The following PIAS1 variants were observed in gnomAD, a reference collection of about 807,000 sequenced individuals.
PIAS1 encodes protein inhibitor of activated STAT 1, also known as E3 SUMO-protein ligase PIAS1.
Under a neutral mutation model 71.3 loss-of-function variants are expected in PIAS1, and 6 were observed. The ratio of observed to expected loss-of-function variants is 0.08; its 90% CI spans 0.05 to 0.17. The LOEUF is 0.17. Ranked by LOEUF, PIAS1 falls within the 10% of genes least tolerant of loss-of-function variation. The pLI is 1.00. For missense variants in PIAS1, 555 were observed against 793.6 expected, an observed-to-expected ratio of 0.70 and a Z score of 3.61; for synonymous variants, 303 against 292.9, an observed-to-expected ratio of 1.03 and a Z score of -0.35.
chr15:68,142,133 T>C (rs2092774985), intron 3 of PIAS1, 103 bp downstream of exon 3: 2 of 937,286 alleles, frequency 2.1e-6, no homozygotes, highest in African/African-American at 1.6e-5. Flanking sequence ...ATTTGTGTGA[T>C]GCAAATATTA....
chr15:68,115,145 T>G (rs1248962047), intron 2 of PIAS1, among the ~76,000 whole-genome samples: 1 of 152,144 alleles, frequency 6.6e-6, no homozygotes, highest in Non-Finnish European at 1.5e-5. Context: ...GAAGGACATC[T>G]TGGTTGCTTC....
intron 11 of PIAS1, among the ~76,000 whole-genome samples, chr15:68,177,856 T>TA (rs1441661213): frequency 6.6e-6 from 1 of 152,180 alleles, no homozygotes; most frequent in East Asian, 1.9e-4. Context: ...TTTTTAGGTA[T>TA]AAAGCAGGAG....
intron 2 of PIAS1, among the ~76,000 whole-genome samples, chr15:68,108,976 AC>A (rs1567045341): frequency 2.0e-5 from 3 of 152,132 alleles, no homozygotes. Flanking sequence ...CCAGAGTGAT[AC>A]TTTTAAATAA....
At chr15:68,137,181 A>G (rs2092739722) in intron 2 of PIAS1, among the ~76,000 whole-genome samples, 1 of 152,198 alleles carries the variant, frequency 6.6e-6, no homozygotes, top group Admixed American at 6.5e-5. Flanking sequence ...GAATTGATCC[A>G]AATAAAATAA....
intron 6 of PIAS1, among the ~76,000 whole-genome samples, chr15:68,149,409 C>T (rs929905862): frequency 4.0e-5 from 6 of 150,980 alleles, no homozygotes; most frequent in African/African-American, 1.2e-4. Context: ...CGCTCCTGTA[C>T]CCCATTTGCA....
intron 2 of PIAS1, among the ~76,000 whole-genome samples, chr15:68,118,665 A>T (rs530352929): frequency 4.3e-4 from 65 of 152,298 alleles, no homozygotes; most frequent in Admixed American, 1.8e-3. Flanking sequence ...GACAGTAGCC[A>T]TTCTAACTGG....
intron 7 of PIAS1, among the ~76,000 whole-genome samples, chr15:68,158,014 C>T (rs1027342376): frequency 7.2e-5 from 11 of 152,200 alleles, no homozygotes; most frequent in Non-Finnish European, 1.2e-4. Context: ...AAACATCCCT[C>T]TCCTTGACGC....
intron 5 of PIAS1, 116 bp from the exon 6 acceptor site, chr15:68,146,450 T>C: frequency 1.4e-6 from 1 of 718,222 alleles, no homozygotes; most frequent in Non-Finnish European, 2.3e-6. Context: ...CTCTACTTTT[T>C]AATGAAAACA....
At chr15:68,103,243 C>A (rs1043124132) in intron 2 of PIAS1, among the ~76,000 whole-genome samples, 1 of 151,214 alleles carries the variant, frequency 6.6e-6, no homozygotes, top group African/African-American at 2.4e-5. Context: ...TGATTTTGAT[C>A]TTAGGGGGAA....
In PIAS1 at chr15:68,086,243, C is replaced by A; in HGVS notation, c.25-63C>A. 1 of 1,124,410 alleles carries A rather than the reference C, an allele frequency of 8.9e-7. No individual in the cohort carries two copies. Among genetic ancestry groups the A allele is most frequent in the Non-Finnish European group, 1.3e-6 (1 of 795,596 alleles). 69.7% of individuals were successfully genotyped at this position (1,124,410 alleles called of 1,614,324 possible). A position where few individuals can be genotyped will look rare whatever the true frequency, so the allele number is the denominator to read the frequency against. The stretch of plus-strand genomic sequence containing the variant: ...TAAGAAGGGGGTTATAATAAAGTGT[C>A]ATTTAATAGTGTAAATTATATTATT... On this transcript the variant is annotated intron_variant, in intron 1 of 13. Transcript: ENST00000249636. This position sits in a 1 kb window ranked among gnomAD's most constrained non-coding sequence, Gnocchi z 7.2.
chr15:68,179,618 C>G (rs2093041969), intron 11 of PIAS1, among the ~76,000 whole-genome samples: 1 of 104,918 alleles, frequency 9.5e-6, no homozygotes, highest in African/African-American at 3.5e-5. Flanking sequence ...TCTTATCTCC[C>G]AGGCTGGAGT....
Position 68,187,568 on chromosome 15 carries a change from T to TGCA in PIAS1, c.1700_1702dup (p.Ala567dup), listed in dbSNP as rs979584082. The TGCA allele has an allele frequency of 3.7e-6, 6 of 1,613,810 alleles. No individual in the cohort carries two copies. Among genetic ancestry groups the TGCA allele is most frequent in the East Asian group, 2.2e-5 (1 of 44,896 alleles). Reference sequence around the variant, plus strand: ...ATTACAACACCTCCTTGCTTGCCGCTGCAGCAGCAGCAGTTTCAGATGATC... The same window carrying TGCA: ...ATTACAACACCTCCTTGCTTGCCGCTGCAGCAGCAGCAGCAGTTTCAGATGATC... On this transcript the variant is annotated inframe_insertion, in exon 14 of 14. Coordinates refer to ENST00000249636, the MANE Select transcript of PIAS1 (RefSeq NM_016166.3). The surrounding 1 kb of genome is among the most constrained non-coding windows in gnomAD (Gnocchi z 5.3).
At chr15:68,156,879 A>T (rs184897002) in intron 7 of PIAS1, among the ~76,000 whole-genome samples, 10 of 152,312 alleles carry the variant, frequency 6.6e-5, no homozygotes, top group Admixed American at 6.5e-4. Flanking sequence ...AGACAATCTG[A>T]TTCTCACTTT....
chr15:68,097,884 A>T (rs901375613), intron 2 of PIAS1, among the ~76,000 whole-genome samples: 1 of 152,220 alleles, frequency 6.6e-6, no homozygotes, highest in Admixed American at 6.5e-5. Flanking sequence ...CAGATGACCT[A>T]TGCTACCTCC....
chr15:68,059,461 C>G (rs1385567821), intron 1 of PIAS1, among the ~76,000 whole-genome samples: 2 of 151,582 alleles, frequency 1.3e-5, no homozygotes, highest in Non-Finnish European at 1.5e-5. Flanking sequence ...CCTGTAATAC[C>G]AGCACCTTGG....
At chr15:68,157,539 T>C (rs748635394) in intron 7 of PIAS1, among the ~76,000 whole-genome samples, 24 of 152,192 alleles carry the variant, frequency 1.6e-4, no homozygotes, top group Non-Finnish European at 3.2e-4. Context: ...ATCTGATTGC[T>C]AAATTTAAAG....
chr15:68,077,042 A>T (rs887129433), intron 1 of PIAS1, among the ~76,000 whole-genome samples: 1 of 152,192 alleles, frequency 6.6e-6, no homozygotes, highest in Admixed American at 6.5e-5. Context: ...CTTTTAAATT[A>T]AAAAAATTGT....
rs2093083720 is a variant in PIAS1, at chr15:68,185,826, G to T, written c.1663-1716G>T. Among the ~76,000 whole-genome samples the T allele has an allele frequency of 6.6e-6, 1 of 152,140 alleles. No homozygotes were observed. Among genetic ancestry groups the T allele is most frequent in the Admixed American group, 6.5e-5 (1 of 15,270 alleles). On this transcript the variant is annotated intron_variant, in intron 13 of 13. Coordinates refer to ENST00000249636, the MANE Select transcript of PIAS1 (RefSeq NM_016166.3). This position sits in a 1 kb window ranked among gnomAD's most constrained non-coding sequence, Gnocchi z 4.4. The stretch of plus-strand genomic sequence containing the variant: ...AAAATACAAAAATTAGCTGGGCGTG[G>T]TGCTACACGCCTGTAATCCCAGCTA...
Position 68,191,093 on chromosome 15 carries a change from G to T in PIAS1, c.*3258G>T, listed in dbSNP as rs1284296619. 1.3e-5 allele frequency: 2 copies of T among 152,586 alleles called. No homozygotes were observed. The highest frequency in any genetic ancestry group is 2.1e-4 in the South Asian group (1 of 4,832). The allele number at this position is 152,586 out of a possible 1,614,324, so 9.5% of individuals were successfully genotyped here. A position where few individuals can be genotyped will look rare whatever the true frequency, so the allele number is the denominator to read the frequency against. Reference sequence around the variant, plus strand: ...GAATTTTGTTTTATCAATAGATGTTGAATTCTGTTTTTTAATTAAATACAA... The same window carrying T: ...GAATTTTGTTTTATCAATAGATGTTTAATTCTGTTTTTTAATTAAATACAA... On this transcript the variant is annotated 3_prime_UTR_variant, in exon 14 of 14. Coordinates refer to ENST00000249636, the MANE Select transcript of PIAS1 (RefSeq NM_016166.3).
Sources: allele counts gnomAD v4.1 joint callset (sites outside exome capture counted in the v4.1 genomes callset), GRCh38; gene constraint gnomAD v4.1.1; non-coding constraint Gnocchi (gnomAD v3.1); transcripts MANE v1.5; gene names NCBI Gene and HGNC (gene_info 2026-07-23, HGNC 2026-07-21).